The following MEP1B variants were observed in gnomAD, a reference collection of about 807,000 sequenced individuals.
MEP1B encodes the protein N-benzoyl-L-tyrosyl-P-amino-benzoic acid hydrolase subunit beta.
MEP1B carries 80 observed loss-of-function variants against 84.6 expected under a neutral mutation model. The observed-to-expected ratio is 0.95, with a 90% CI of 0.79 to 1.14. MEP1B has a LOEUF of 1.14. Among genes scored for constraint, MEP1B ranks in the 50% most tolerant of loss-of-function variants. MEP1B has a pLI of 0.00. For synonymous variants in MEP1B, 273 were observed against 288.1 expected (o/e 0.95, Z 0.53); for missense variants, 766 against 855.1 (o/e 0.90, Z 1.30).
chr18:32,215,301 TTTG>T, intron 12 of MEP1B, 40 bp downstream of exon 12: 3 of 1,325,794 alleles, frequency 2.3e-6, no homozygotes, highest in Non-Finnish European at 3.1e-6. Flanking sequence ...CTAGTTTTTT[TTTG>T]TTGTGGCCAC....
chr18:32,210,177 A>C (rs1037405002), intron 9 of MEP1B, among the ~76,000 whole-genome samples: 6 of 152,216 alleles, frequency 3.9e-5, no homozygotes, highest in Non-Finnish European at 8.8e-5. Flanking sequence ...GGATTTTTAA[A>C]AAGTTAGCAT....
At chr18:32,198,876 CAGAGAAAGAATTA>C (rs567494566) in intron 5 of MEP1B, among the ~76,000 whole-genome samples, 113 of 152,166 alleles carry the variant, frequency 7.4e-4, no homozygotes, top group African/African-American at 2.1e-3. Flanking sequence ...TGAGGAAATT[CAGAGAAAGAATTA>C]AGAGATTCCT....
intron 4 of MEP1B, among the ~76,000 whole-genome samples, chr18:32,194,133 C>T (rs1028554139): frequency 2.0e-5 from 3 of 152,120 alleles, no homozygotes; most frequent in African/African-American, 7.2e-5. Context: ...TGCTTCTCCT[C>T]TCTCCTTCAC....
rs144943422 is a variant in MEP1B at position 32,213,325 on chromosome 18, T to C, written c.1345T>C (p.Tyr449His). ...QFIGSPNGTL[Y>H]SPPFYSSKGY... ...CATTGGCAGCCCAAATGGAACTCTG[T>C]ATAGCCCTCCATTTTACTCTTCTAA... The change falls in exon 11 of 15, where the codon TAT (tyrosine) becomes CAT (histidine). Residue 449 changes from tyrosine to histidine, a missense_variant. By Grantham distance (83) the Tyr-to-His change is moderately conservative (BLOSUM62 2). Coordinates refer to ENST00000269202, the MANE Select transcript of MEP1B (RefSeq NM_005925.3). 294 of 1,613,914 alleles carry C rather than the reference T, an allele frequency of 1.8e-4. No homozygotes were observed. In the African/African-American group the frequency reaches 3.5e-3, roughly 19 times the overall value.
chr18:32,206,173 G>T (rs1464487532), intron 7 of MEP1B, among the ~76,000 whole-genome samples: 2 of 151,912 alleles, frequency 1.3e-5, no homozygotes, highest in Non-Finnish European at 2.9e-5. Flanking sequence ...GTAGAGACAG[G>T]GTTTAAACAT....
intron 11 of MEP1B, among the ~76,000 whole-genome samples, chr18:32,214,301 TTAATAATTC>T (rs2041060834): frequency 6.6e-6 from 1 of 152,148 alleles, no homozygotes; most frequent in Admixed American, 6.6e-5. Flanking sequence ...ACTACTAATT[TTAATAATTC>T]TTTGCTTCTG....
chr18:32,204,250 G>T lies in MEP1B; in HGVS notation c.437G>T (p.Arg146Leu). Residue 146 changes from arginine (R) to leucine (L), a missense_variant, in exon 7 of 15, where the codon CGA becomes CTA. Transcript: ENST00000269202. The part of the protein sequence containing the change: ...QELSIGANCD[R>L]IATVQHEFLH... ...CTTTCCATCGGGGCAAACTGTGACC[G>T]AATAGCAACAGTTCAACACGAGTTC... 2 of 1,604,744 alleles carry T rather than the reference G, an allele frequency of 1.2e-6. No individual in the cohort carries two copies. Among genetic ancestry groups the T allele is most frequent in the Non-Finnish European group, 1.7e-6 (2 of 1,175,944 alleles).
Position 32,196,393 on chromosome 18 carries a change from T to C in MEP1B, c.250+908T>C. The C allele has an allele frequency of 1.4e-6, 1 of 698,738 alleles. No homozygotes were observed. The allele number at this position is 698,738 out of a possible 1,614,324, so 43.3% of individuals were successfully genotyped here. A position where few individuals can be genotyped will look rare whatever the true frequency, so the allele number is the denominator to read the frequency against. ...GCACTTGAGGTACTCAGAGCTCTCC[T>C]TGGTCTTCTCCTGGTCCTCGCCCAG... On this transcript the variant is annotated intron_variant, in intron 5 of 14. Transcript: ENST00000269202. This position sits in a 1 kb window ranked among gnomAD's most constrained non-coding sequence, Gnocchi z 4.4.
At chr18:32,203,494 A>G (rs2040933153) in intron 6 of MEP1B, among the ~76,000 whole-genome samples, 1 of 152,168 alleles carries the variant, frequency 6.6e-6, no homozygotes, top group African/African-American at 2.4e-5. Context: ...AGACTTTGAA[A>G]TTCACAAGAA....
At chr18:32,199,700 C>T (rs1011596166) in intron 5 of MEP1B, among the ~76,000 whole-genome samples, 5 of 137,872 alleles carry the variant, frequency 3.6e-5, no homozygotes, top group African/African-American at 1.4e-4. Flanking sequence ...TCCTTCCTTC[C>T]TTCCTTCCTT....
At chr18:32,194,196 G>A (rs2040830046) in intron 4 of MEP1B, among the ~76,000 whole-genome samples, 1 of 151,652 alleles carries the variant, frequency 6.6e-6, no homozygotes, top group Non-Finnish European at 1.5e-5. Context: ...AACATACACT[G>A]CAAATCGTCC....
In MEP1B at chr18:32,192,826, A is replaced by C; in HGVS notation, c.171+9A>C. 1 of 1,608,874 alleles carries C rather than the reference A, an allele frequency of 6.2e-7. No homozygotes were observed. Among genetic ancestry groups the C allele is most frequent in the South Asian group, 1.1e-5 (1 of 90,944 alleles). On this transcript the variant is annotated intron_variant, in intron 4 of 14. Coordinates refer to ENST00000269202, the MANE Select transcript of MEP1B (RefSeq NM_005925.3). ...ACATCAGACTTGATAGGGTGAGTTG[A>C]AACAGTATAAGGAAGAATCTTCCAT...
intron 9 of MEP1B, 29 bp from the exon 10 acceptor site, chr18:32,210,472 T>A: frequency 6.3e-7 from 1 of 1,593,062 alleles, no homozygotes; most frequent in Non-Finnish European, 8.6e-7. Context: ...AGTATCTGTT[T>A]TTCTCTCAAT....
At chr18:32,201,550 T>C (rs1424621554) in intron 5 of MEP1B, among the ~76,000 whole-genome samples, 1 of 152,190 alleles carries the variant, frequency 6.6e-6, no homozygotes, top group East Asian at 1.9e-4. Flanking sequence ...AATATTTTGA[T>C]GACATAATAT....
chr18:32,196,677 C>T lies in MEP1B; in HGVS notation c.250+1192C>T. ...ACCTCGGGGTGTCTTCCCCAAGCACCAGCGCATGAGGTAGTGGGCGCCCTG... is the reference window on the plus strand; with the variant it reads ...ACCTCGGGGTGTCTTCCCCAAGCACTAGCGCATGAGGTAGTGGGCGCCCTG... On this transcript the variant is annotated intron_variant, in intron 5 of 14. Coordinates refer to ENST00000269202, the MANE Select transcript of MEP1B (RefSeq NM_005925.3). The surrounding 1 kb of genome is among the most constrained non-coding windows in gnomAD (Gnocchi z 4.4). 1.5e-6 allele frequency: 1 copy of T among 662,092 alleles called. No homozygotes were observed. The highest frequency in any genetic ancestry group is 2.6e-5 in the East Asian group (1 of 38,032). 41.0% of individuals were successfully genotyped at this position (662,092 alleles called of 1,614,324 possible). A position where few individuals can be genotyped will look rare whatever the true frequency, so the allele number is the denominator to read the frequency against.
intron 14 of MEP1B, 112 bp downstream of exon 14, chr18:32,218,077 A>G: frequency 1.1e-6 from 1 of 872,002 alleles, no homozygotes. Context: ...TCTGTTTCCT[A>G]TGCTGGGACA....
intron 13 of MEP1B, 129 bp downstream of exon 13, chr18:32,217,246 A>T (rs2041100095): frequency 9.5e-7 from 1 of 1,050,398 alleles, no homozygotes. Flanking sequence ...CATTCATAGA[A>T]TTTTTTTTTT....
chr18:32,194,968 A>G (rs1424738767), intron 4 of MEP1B, among the ~76,000 whole-genome samples: 1 of 152,166 alleles, frequency 6.6e-6, no homozygotes, highest in Non-Finnish European at 1.5e-5. Context: ...AATATTACTC[A>G]TTTTCTATTA....
At chr18:32,214,435 C>A (rs1229743439) in intron 11 of MEP1B, among the ~76,000 whole-genome samples, 2 of 152,156 alleles carry the variant, frequency 1.3e-5, no homozygotes, top group Non-Finnish European at 2.9e-5. Context: ...CCAACTTAAT[C>A]TCATAGGAAA....
Sources: allele counts gnomAD v4.1 joint callset (sites outside exome capture counted in the v4.1 genomes callset), GRCh38; gene constraint gnomAD v4.1.1; non-coding constraint Gnocchi (gnomAD v3.1); transcripts MANE v1.5; gene names NCBI Gene and HGNC (gene_info 2026-07-23, HGNC 2026-07-21).